Variants in F13B observed in about 807,000 individuals in gnomAD.
F13B encodes TGase.
F13B carries 58 observed loss-of-function variants against 79.8 expected under a neutral mutation model. That is an observed-to-expected ratio of 0.73 (90% CI 0.59 to 0.90). F13B has a LOEUF of 0.90. F13B is among the 40% of genes least tolerant of loss of function. The pLI, the probability that F13B is intolerant of heterozygous loss-of-function variation, is 0.00. For synonymous variants in F13B, 283 were observed against 260.3 expected (o/e 1.09, Z -0.84); for missense variants, 773 against 777.0 (o/e 0.99, Z 0.06).
intron 9 of F13B, among the ~76,000 whole-genome samples, chr1:197,052,304 A>G (rs551199568): frequency 6.6e-6 from 1 of 152,252 alleles, no homozygotes; most frequent in East Asian, 1.9e-4. Context: ...AGAAATAGGA[A>G]TGCTTTTACA....
chr1:197,040,049 G>A (rs17514802), intron 11 of F13B: 2,319 of 154,340 alleles, frequency 0.015, 53 homozygotes, highest in African/African-American at 0.05. Context: ...AGTAGCAGAG[G>A]ATATATTTTT....
intron 3 of F13B, among the ~76,000 whole-genome samples, chr1:197,061,388 T>G (rs1173706290): frequency 6.6e-6 from 1 of 152,160 alleles, no homozygotes; most frequent in Non-Finnish European, 1.5e-5. Flanking sequence ...TTAAACAACT[T>G]ACTAACAAAG....
At chr1:197,043,690 A>C (rs1655122915) in intron 10 of F13B, among the ~76,000 whole-genome samples, 1 of 152,194 alleles carries the variant, frequency 6.6e-6, no homozygotes, top group African/African-American at 2.4e-5. Context: ...GTTAAACTAG[A>C]AGAAAATTAC....
chr1:197,062,644 T>A (rs143314455), intron 2 of F13B, among the ~76,000 whole-genome samples: 395 of 152,274 alleles, frequency 2.6e-3, no homozygotes, highest in African/African-American at 9.2e-3. Flanking sequence ...CAGAGTATTA[T>A]TAAAAACAGA....
intron 1 of F13B, among the ~76,000 whole-genome samples, chr1:197,065,622 TC>T (rs1366685858): frequency 1.3e-5 from 2 of 152,144 alleles, no homozygotes; most frequent in Non-Finnish European, 2.9e-5. Context: ...AAAAGTAATC[TC>T]TCATTACAGA....
chr1:197,040,014 G>A (rs980044577), intron 11 of F13B: 1 of 152,968 alleles, frequency 6.5e-6, no homozygotes, highest in Non-Finnish European at 1.5e-5. Context: ...ATTTCTCTAA[G>A]AAAATTGTTA....
At chr1:197,043,001 A>G (rs1345775871) in intron 10 of F13B, among the ~76,000 whole-genome samples, 1 of 151,870 alleles carries the variant, frequency 6.6e-6, no homozygotes. Flanking sequence ...AGCAGCCAGG[A>G]CTTGAAGAAT....
chr1:197,060,863 G>C, intron 4 of F13B, 36 bp downstream of exon 4: 3 of 1,585,364 alleles, frequency 1.9e-6, no homozygotes, highest in Non-Finnish European at 2.6e-6. Context: ...AAAGCTTTCA[G>C]AGTGAGAGTA....
chr1:197,050,624 G>T, intron 10 of F13B, 73 bp downstream of exon 10: 1 of 1,347,040 alleles, frequency 7.4e-7, no homozygotes, highest in South Asian at 1.2e-5. Flanking sequence ...TTAGTGTTAT[G>T]TTAACTCAAA....
At position 197,040,585 on chromosome 1, in the gene F13B, G is replaced by C. The variant is rs1254813051; in HGVS notation, c.1889C>G (p.Ser630Cys). The C allele has an allele frequency of 6.2e-6, 10 of 1,612,256 alleles. No individual in the cohort carries two copies. The highest frequency in any genetic ancestry group is 5.9e-6 in the Non-Finnish European group (7 of 1,179,008). The change falls in exon 11 of 12, where the codon TCT (serine) becomes TGT (cysteine). Residue 630 changes from serine (S) to cysteine (C), a missense_variant. Coordinates refer to ENST00000367412, the MANE Select transcript of F13B (RefSeq NM_001994.3). Reference sequence around the variant, plus strand: ...TCTGTCACATTGCATTCTAAGTATAGATCCAGTAATATATAATTCAGCTGG... The same window carrying C: ...TCTGTCACATTGCATTCTAAGTATACATCCAGTAATATATAATTCAGCTGG... ...TYPAELYITG[S>C]ILRMQCDRGQ...
At position 197,057,010 on chromosome 1, in the gene F13B, T is replaced by C. The variant is rs540644385; in HGVS notation, c.1171+3A>G. On this transcript the variant is annotated splice_donor_region_variant and intron_variant, in intron 7 of 11. Transcript: ENST00000367412. Reference sequence around the variant, plus strand: ...CTACTGATGGTAAATGTAGCATACATACCAACACACTCAGGAGGAAGTGTC... The same window carrying C: ...CTACTGATGGTAAATGTAGCATACACACCAACACACTCAGGAGGAAGTGTC... The C allele has an allele frequency of 6.2e-7, 1 of 1,613,276 alleles. No homozygotes were observed. The highest frequency in any genetic ancestry group is 1.7e-5 in the Admixed American group (1 of 59,922).
intron 10 of F13B, among the ~76,000 whole-genome samples, chr1:197,048,626 A>G (rs953351649): frequency 5.3e-5 from 8 of 152,168 alleles, no homozygotes; most frequent in Non-Finnish European, 8.8e-5. Context: ...GTATCAAAAT[A>G]CAAAAGCAAA....
chr1:197,051,391 A>AT (rs1307769192), intron 9 of F13B, among the ~76,000 whole-genome samples: 7 of 152,002 alleles, frequency 4.6e-5, no homozygotes, highest in Admixed American at 1.3e-4. Flanking sequence ...TGTATATGGG[A>AT]TTTTTCTAGA....
At chr1:197,042,815 T>G (rs1432904725) in intron 10 of F13B, among the ~76,000 whole-genome samples, 4 of 146,878 alleles carry the variant, frequency 2.7e-5, no homozygotes, top group Non-Finnish European at 4.5e-5. Context: ...AAGGAGACTG[T>G]CTAAAAAAAA....
Position 197,039,330 on chromosome 1 carries a change from G to A in F13B, c.*48C>T. 1.4e-6 allele frequency: 2 copies of A among 1,454,738 alleles called. No individual in the cohort carries two copies. The highest frequency in any genetic ancestry group is 1.9e-6 in the Non-Finnish European group (2 of 1,041,266). 90.1% of individuals were successfully genotyped at this position (1,454,738 alleles called of 1,614,324 possible). On this transcript the variant is annotated 3_prime_UTR_variant, in exon 12 of 12. Coordinates refer to ENST00000367412, the MANE Select transcript of F13B (RefSeq NM_001994.3). ...TTTCCTCAAAATTATATTTTATAAG[G>A]AATTTCATGATGTATTGAAATATGA...
intron 1 of F13B, among the ~76,000 whole-genome samples, chr1:197,065,958 A>G (rs1656032176): frequency 6.6e-6 from 1 of 151,404 alleles, no homozygotes; most frequent in East Asian, 2.0e-4. Flanking sequence ...AGAAGCATGC[A>G]AAAATAAAAT....
At chr1:197,055,669 C>G in intron 8 of F13B, 46 bp downstream of exon 8, 1 of 1,579,264 alleles carries the variant, frequency 6.3e-7, no homozygotes, top group Non-Finnish European at 8.7e-7. Flanking sequence ...GTAAGAAAAT[C>G]ACATAAAAGT....
intron 1 of F13B, among the ~76,000 whole-genome samples, chr1:197,064,969 A>C (rs1454354683): frequency 6.6e-6 from 1 of 152,116 alleles, no homozygotes; most frequent in Non-Finnish European, 1.5e-5. Flanking sequence ...GTGCTAGCCT[A>C]GGTTTGAAGG....
chr1:197,057,099 T>C lies in F13B; in HGVS notation c.1085A>G (p.Tyr362Cys). The change falls in exon 7 of 12, where the codon TAT becomes TGT. Residue 362 changes from tyrosine (Y) to cysteine (C), a missense_variant. Physicochemically the swap from Tyr to Cys is radical, Grantham distance 194. Transcript: ENST00000367412. ...KIYYNGDKVT[Y>C]ACKSGYLLHG... ...GAGAAGGTAGCCGCTTTTACATGCATATGTCACTTTATCCCCATTGTAATA... is the reference window on the plus strand; with the variant it reads ...GAGAAGGTAGCCGCTTTTACATGCACATGTCACTTTATCCCCATTGTAATA... The C allele has an allele frequency of 6.2e-7, 1 of 1,613,860 alleles. No homozygotes were observed. The highest frequency in any genetic ancestry group is 8.5e-7 in the Non-Finnish European group (1 of 1,179,892).
Sources: allele counts gnomAD v4.1 joint callset (sites outside exome capture counted in the v4.1 genomes callset), GRCh38; gene constraint gnomAD v4.1.1; transcripts MANE v1.5; gene names NCBI Gene and HGNC (gene_info 2026-07-23, HGNC 2026-07-21).